TNR: variants seen among roughly 807,000 people sequenced by gnomAD.
TNR encodes the protein tenascin R.
A neutral mutation model predicts 150.4 loss-of-function variants in TNR; 45 were observed. That is an observed-to-expected ratio of 0.30 (90% CI 0.24 to 0.38). The LOEUF is 0.38. TNR is among the 10% of genes least tolerant of loss of function. The probability of loss-of-function intolerance (pLI) is 1.00; values close to 1 mark genes in which losing one functional copy is unlikely to be tolerated. For missense variants in TNR, 1,544 were observed against 1,759.1 expected (o/e 0.88, Z 2.19); for synonymous variants, 687 against 678.4 (o/e 1.01, Z -0.20).
At position 175,639,068 on chromosome 1, in the gene TNR, G is replaced by A. The variant is rs187036896; in HGVS notation, c.-165+104158C>T. Among the ~76,000 whole-genome samples the A allele has an allele frequency of 5.9e-5, 9 of 152,150 alleles. No individual in the cohort carries two copies. The East Asian group carries it at 7.8e-4, about 13-fold the overall frequency. The stretch of plus-strand genomic sequence containing the variant: ...GATCACTCCTCCACTTCTATGGCAC[G>A]CACCCTGCTCCAAGTAACCAGCATC... On this transcript the variant is annotated intron_variant, in intron 1 of 22. Transcript: ENST00000367674.
chr1:175,357,669 A>G (rs1008094587), intron 15 of TNR, among the ~76,000 whole-genome samples: 4 of 151,850 alleles, frequency 2.6e-5, no homozygotes, highest in Admixed American at 6.6e-5. Flanking sequence ...CACTTTATCT[A>G]AGACTTTTCT....
At chr1:175,511,031 A>G (rs994465416) in intron 2 of TNR, among the ~76,000 whole-genome samples, 16 of 152,304 alleles carry the variant, frequency 1.1e-4, no homozygotes, top group African/African-American at 3.4e-4. Context: ...GCAAAAATGG[A>G]TGTAATCGTT....
chr1:175,484,903 T>C (rs1471532654), intron 2 of TNR, among the ~76,000 whole-genome samples: 6 of 152,142 alleles, frequency 3.9e-5, no homozygotes, highest in South Asian at 4.1e-4. Context: ...TCTAGAACTG[T>C]TCCTTCCAGA....
chr1:175,663,019 G>A lies in TNR; in HGVS notation c.-165+80207C>T, dbSNP rs58115598. Among the ~76,000 whole-genome samples, 1,444 of 152,256 alleles carry A rather than the reference G, an allele frequency of 9.5e-3. 28 individuals carry two copies. The highest frequency in any genetic ancestry group is 0.031 in the African/African-American group (1,286 of 41,532). ...CACTGATTTGTTGAAAGGATTACAC[G>A]AGATAATTCATGTAACATCCTCAGC... On this transcript the variant is annotated intron_variant, in intron 1 of 22. Transcript: ENST00000367674.
intron 2 of TNR, among the ~76,000 whole-genome samples, chr1:175,461,988 C>T (rs996252912): frequency 1.3e-5 from 2 of 152,148 alleles, no homozygotes; most frequent in Non-Finnish European, 2.9e-5. Flanking sequence ...ACCCTGGTTT[C>T]CAGATTTGAA....
intron 1 of TNR, among the ~76,000 whole-genome samples, chr1:175,553,083 T>C (rs1275876676): frequency 6.6e-6 from 1 of 152,182 alleles, no homozygotes; most frequent in Admixed American, 6.5e-5. Flanking sequence ...GCACATGAAA[T>C]ACATCACTGA....
intron 2 of TNR, among the ~76,000 whole-genome samples, chr1:175,423,382 A>T (rs1468061991): frequency 2.0e-5 from 3 of 152,062 alleles, no homozygotes; most frequent in African/African-American, 7.2e-5. Flanking sequence ...AGAATTGAGG[A>T]TGCTTGGGTG....
At chr1:175,736,437 C>T (rs985751810) in intron 1 of TNR, among the ~76,000 whole-genome samples, 1 of 151,962 alleles carries the variant, frequency 6.6e-6, no homozygotes, top group South Asian at 2.1e-4. Context: ...AAGAGAATGG[C>T]GTGAACCCGG....
chr1:175,600,756 C>A (rs532434576), intron 1 of TNR, among the ~76,000 whole-genome samples: 2 of 152,218 alleles, frequency 1.3e-5, no homozygotes, highest in African/African-American at 4.8e-5. Flanking sequence ...ACTTACCTTA[C>A]GGGCTTTCAG....
intron 2 of TNR, among the ~76,000 whole-genome samples, chr1:175,478,724 G>T (rs932696489): frequency 2.6e-5 from 4 of 152,180 alleles, no homozygotes; most frequent in African/African-American, 9.7e-5. Flanking sequence ...AGGAAAAGGA[G>T]ATCAGGGGAC....
In TNR at chr1:175,367,149, A is replaced by G. The variant is rs112601664; in HGVS notation, c.2053+59T>C. On this transcript the variant is annotated intron_variant, in intron 10 of 22. Transcript: ENST00000367674. ...TTAATTTTTGCTGGGACGAGCCTCC[A>G]TGACTCCTTAGGCTTATAGGCTAAC... 2.2e-3 allele frequency: 3,387 copies of G among 1,524,296 alleles called. 40 individuals carry two copies. The African/African-American group carries it at 0.031, about 14-fold the overall frequency. The allele number at this position is 1,524,296 out of a possible 1,614,324, so 94.4% of individuals were successfully genotyped here. A position where few individuals can be genotyped will look rare whatever the true frequency, so the allele number is the denominator to read the frequency against.
At chr1:175,550,517 C>G (rs958380870) in intron 1 of TNR, among the ~76,000 whole-genome samples, 3 of 151,982 alleles carry the variant, frequency 2.0e-5, no homozygotes, top group Non-Finnish European at 4.4e-5. Flanking sequence ...TCCTTTTCCC[C>G]TTTCCCTCAC....
intron 1 of TNR, among the ~76,000 whole-genome samples, chr1:175,706,139 A>G (rs4652110): frequency 0.032 from 4,898 of 152,310 alleles, 245 homozygotes; most frequent in African/African-American, 0.1. Context: ...GTAACAGAAT[A>G]AAGTTTTGAT....
At chr1:175,718,073 T>C (rs1401270389) in intron 1 of TNR, among the ~76,000 whole-genome samples, 2 of 152,228 alleles carry the variant, frequency 1.3e-5, no homozygotes. Context: ...TGGTCCCTTT[T>C]GGCGCAGCCA....
At chr1:175,338,553 T>C (rs1650356097) in intron 18 of TNR, among the ~76,000 whole-genome samples, 1 of 152,162 alleles carries the variant, frequency 6.6e-6, no homozygotes, top group African/African-American at 2.4e-5. Flanking sequence ...GTTTGGGTGC[T>C]CTGTAAATAG....
intron 14 of TNR, among the ~76,000 whole-genome samples, chr1:175,361,563 T>G (rs1187611634): frequency 1.3e-5 from 2 of 152,226 alleles, no homozygotes; most frequent in African/African-American, 4.8e-5. Flanking sequence ...GAAGGAATAT[T>G]TCTTGGCCCA....
intron 18 of TNR, among the ~76,000 whole-genome samples, chr1:175,352,807 C>T (rs889595322): frequency 6.6e-6 from 1 of 152,170 alleles, no homozygotes; most frequent in South Asian, 2.1e-4. Context: ...GAAGAGGACT[C>T]GTTCACAATC....
At chr1:175,553,741 C>A (rs1470882386) in intron 1 of TNR, among the ~76,000 whole-genome samples, 1 of 151,586 alleles carries the variant, frequency 6.6e-6, no homozygotes, top group Non-Finnish European at 1.5e-5. Flanking sequence ...TAAATAATTT[C>A]AGCCCATCTT....
intron 9 of TNR, among the ~76,000 whole-genome samples, chr1:175,368,754 A>C (rs1021084134): frequency 6.6e-6 from 1 of 152,192 alleles, no homozygotes. Flanking sequence ...GTTCGAGACC[A>C]GCCTGACCAA....
Sources: allele counts gnomAD v4.1 joint callset (sites outside exome capture counted in the v4.1 genomes callset), GRCh38; gene constraint gnomAD v4.1.1; transcripts MANE v1.5; gene names NCBI Gene and HGNC (gene_info 2026-07-23, HGNC 2026-07-21).